The following NDUFS3 variants were observed in gnomAD, a reference collection of about 807,000 sequenced individuals.
NDUFS3 encodes the protein NADH:ubiquinone oxidoreductase core subunit S3.
Under a neutral mutation model 30.8 loss-of-function variants are expected in NDUFS3, and 19 were observed. That is an observed-to-expected ratio of 0.62 (90% CI 0.43 to 0.91). The LOEUF (loss-of-function observed/expected upper bound fraction) is 0.91, where lower values mean the gene tolerates loss of function less well. NDUFS3 is among the 40% of genes least tolerant of loss of function. NDUFS3 has a pLI of 0.00. For missense variants in NDUFS3, 331 were observed against 342.0 expected, an observed-to-expected ratio of 0.97 and a Z score of 0.25; for synonymous variants, 153 against 135.8, an observed-to-expected ratio of 1.13 and a Z score of -0.88.
chr11:47,582,634 T>A (rs924212570), intron 6 of NDUFS3, among the ~76,000 whole-genome samples, 166 bp downstream of exon 6: 1 of 152,174 alleles, frequency 6.6e-6, no homozygotes, highest in Non-Finnish European at 1.5e-5. Flanking sequence ...GCAAGTTACT[T>A]GGTTTGACTG....
At position 47,579,294 on chromosome 11, in the gene NDUFS3, G is replaced by A. The variant is rs2097266568; in HGVS notation, c.93G>A (p.Leu31=). ...TRGTGRPSVL[L]LPVRRESAGA... is the part of the protein sequence containing the mutation. ...GGACTGGGCGACCCTCCGTTCTGTT[G>A]CTGCCGGTGAGGCGGGAGAGCGCCG... is the stretch of plus-strand genomic sequence containing the variant. The change falls in exon 2 of 7, where the codon TTG becomes TTA. Residue 31 remains leucine (L), a synonymous_variant. Coordinates refer to ENST00000263774, the MANE Select transcript of NDUFS3 (RefSeq NM_004551.3). The A allele has an allele frequency of 6.2e-7, 1 of 1,614,072 alleles. No homozygotes were observed. Among genetic ancestry groups the A allele is most frequent in the Non-Finnish European group, 8.5e-7 (1 of 1,180,042 alleles).
In NDUFS3 at chr11:47,582,417, C is replaced by T. The variant is rs756600847; in HGVS notation, c.576C>T (p.Gly192=). 13 of 1,614,082 alleles carry T rather than the reference C, an allele frequency of 8.1e-6. No homozygotes were observed. The East Asian group carries it at 2.5e-4, about 30-fold the overall frequency. Residue 192 remains glycine (G), a synonymous_variant, in exon 6 of 7, where the codon GGC becomes GGT. Coordinates refer to ENST00000263774, the MANE Select transcript of NDUFS3 (RefSeq NM_004551.3). The stretch of plus-strand genomic sequence containing the variant: ...TAAGAAGGATCCTGACAGATTATGG[C>T]TTCGAGGGACATCCTTTCCGGAAAG... ...PDLRRILTDY[G]FEGHPFRKDF...
chr11:47,579,213 C>T (rs2233350), intron 1 of NDUFS3, 55 bp downstream of exon 1: 2 of 1,613,924 alleles, frequency 1.2e-6, no homozygotes, highest in Admixed American at 1.7e-5. Flanking sequence ...GTGCCCAGTG[C>T]AGAGAGCTCC....
At position 47,582,397 on chromosome 11, in the gene NDUFS3, A is replaced by T; in HGVS notation, c.556A>T (p.Arg186Trp). 1 of 1,614,232 alleles carries T rather than the reference A, an allele frequency of 6.2e-7. No homozygotes were observed. The highest frequency in any genetic ancestry group is 8.5e-7 in the Non-Finnish European group (1 of 1,180,048). The change falls in exon 6 of 7, where the codon AGG becomes TGG. Residue 186 changes from arginine (R) to tryptophan (W), a missense_variant. By Grantham distance (101) the Arg-to-Trp change is moderately radical (BLOSUM62 -3). Transcript: ENST00000263774. ...VFFANHPDLR[R>W]ILTDYGFEGH... ...CTTTGCTAACCACCCTGATCTAAGA[A>T]GGATCCTGACAGATTATGGCTTCGA...
At position 47,580,949 on chromosome 11, in the gene NDUFS3, G is replaced by A. The variant is rs2097268528; in HGVS notation, c.346G>A (p.Ala116Thr). The A allele has an allele frequency of 3.1e-6, 5 of 1,614,110 alleles. No individual in the cohort carries two copies. Among genetic ancestry groups the A allele is most frequent in the African/African-American group, 1.3e-5 (1 of 74,934 alleles). Residue 116 changes from alanine to threonine, a missense_variant, in exon 4 of 7, where the codon GCA (alanine) becomes ACA (threonine). Transcript: ENST00000263774. ...GTTCAAATCTCTGGTTGACTTGACA[G>A]CAGTGGACGTCCCAACTCGGCAAAA... ...AQFKSLVDLT[A>T]VDVPTRQNRF...
At chr11:47,582,493 C>T (rs1255036474) in intron 6 of NDUFS3, 25 bp downstream of exon 6, 7 of 1,613,962 alleles carry the variant, frequency 4.3e-6, no homozygotes, top group Non-Finnish European at 5.9e-6. Flanking sequence ...ACTGGGACAG[C>T]AGCCTCAGGG....
intron 6 of NDUFS3, among the ~76,000 whole-genome samples, chr11:47,582,990 C>G (rs377444090): frequency 2.6e-5 from 4 of 152,192 alleles, no homozygotes; most frequent in South Asian, 4.1e-4. Flanking sequence ...GAGTGAGACC[C>G]TGTCTCTAAA....
At position 47,579,159 on chromosome 11, in the gene NDUFS3, G is replaced by A. The variant is rs1196062635; in HGVS notation, c.67+1G>A. The A allele has an allele frequency of 1.2e-6, 2 of 1,610,422 alleles. No homozygotes were observed. The highest frequency in any genetic ancestry group is 8.5e-7 in the Non-Finnish European group (1 of 1,178,852). The stretch of plus-strand genomic sequence containing the variant: ...TTGGGGGCCTCGGCGCTGACCAGGG[G>A]TGAGCACGGGCAGCCAGCTGAGACC... On this transcript the variant is annotated splice_donor_variant, in intron 1 of 6. Coordinates refer to ENST00000263774, the MANE Select transcript of NDUFS3 (RefSeq NM_004551.3). LOFTEE classifies it high-confidence loss of function.
chr11:47,582,481 G>A lies in NDUFS3; in HGVS notation c.627+13G>A, dbSNP rs566594916. 3 of 1,614,114 alleles carry A rather than the reference G, an allele frequency of 1.9e-6. No individual in the cohort carries two copies. The South Asian group carries it at 3.3e-5, about 18-fold the overall frequency. Reference sequence around the variant, plus strand: ...TGGCTATGTTGAGGTAGGAGCCTTGGAACTGGGACAGCAGCCTCAGGGAGG... The same window carrying A: ...TGGCTATGTTGAGGTAGGAGCCTTGAAACTGGGACAGCAGCCTCAGGGAGG... On this transcript the variant is annotated intron_variant, in intron 6 of 6. Transcript: ENST00000263774.
Position 47,579,156 on chromosome 11 carries a change from G to A in NDUFS3, c.65G>A (p.Arg22Lys), listed in dbSNP as rs752752534. 6.0e-5 allele frequency: 97 copies of A among 1,609,856 alleles called. 1 individual carries two copies. The Admixed American group carries it at 1.6e-3, about 27-fold the overall frequency. ...RGILGASALT[R>K]GTGRPSVLLL... ...ATCTTGGGGGCCTCGGCGCTGACCA[G>A]GGGTGAGCACGGGCAGCCAGCTGAG... The change falls in exon 1 of 7, where the codon AGG becomes AAG. Residue 22 changes from arginine to lysine, a missense_variant and splice_region_variant. Physicochemically the swap from Arg to Lys is conservative, Grantham distance 26. Transcript: ENST00000263774.
At chr11:47,582,925 A>G (rs1410806619) in intron 6 of NDUFS3, among the ~76,000 whole-genome samples, 2 of 152,116 alleles carry the variant, frequency 1.3e-5, no homozygotes, top group African/African-American at 2.4e-5. Flanking sequence ...TGAGCCTAGA[A>G]GGCGGAGGTT....
chr11:47,582,194 C>G lies in NDUFS3; in HGVS notation c.488C>G (p.Ala163Gly). ...IESAVSVFKA[A>G]NWYEREIWDM... ...TCTGCTGTCTCTGTGTTCAAGGCAG[C>G]CAACTGGTATGAAAGGGAGGTGAGT... The change falls in exon 5 of 7, where the codon GCC becomes GGC. Residue 163 changes from alanine to glycine, a missense_variant. Ala to Gly is a moderately conservative substitution (Grantham distance 60). Transcript: ENST00000263774. The G allele has an allele frequency of 6.2e-7, 1 of 1,614,180 alleles. No homozygotes were observed. Among genetic ancestry groups the G allele is most frequent in the Non-Finnish European group, 8.5e-7 (1 of 1,180,028 alleles).
intron 6 of NDUFS3, among the ~76,000 whole-genome samples, chr11:47,583,419 A>G (rs1565943161): frequency 1.3e-5 from 2 of 152,114 alleles, no homozygotes; most frequent in Non-Finnish European, 2.9e-5. Flanking sequence ...GTCTGTCCCT[A>G]AAACCTGAAA....
Position 47,584,454 on chromosome 11 carries a change from C to A in NDUFS3, c.768C>A (p.Ala256=). The A allele has an allele frequency of 6.2e-7, 1 of 1,614,056 alleles. No individual in the cohort carries two copies. The change falls in exon 7 of 7, where the codon GCC becomes GCA. Residue 256 remains alanine (A), a synonymous_variant. Transcript: ENST00000263774. ...CCCCGGAGAGTCTCAAGCTTGAAGC[C>A]GGAGACAAGAAGCCTGATGCCAAGT... The part of the protein sequence containing the change: ...RQPPESLKLE[A]GDKKPDAK
intron 2 of NDUFS3, 85 bp downstream of exon 2, chr11:47,579,419 A>G (rs775332289): frequency 1.9e-6 from 3 of 1,543,698 alleles, no homozygotes; most frequent in Non-Finnish European, 2.7e-6. Flanking sequence ...GCCCTTCCCT[A>G]CGTCCTCCTG....
At position 47,580,631 on chromosome 11, in the gene NDUFS3, T is replaced by C. The variant is rs1461245501; in HGVS notation, c.231+9T>C. ...ATGTCCAACAAGTTCAGGTAATACT[T>C]ACTAATGTTATTTGGGTCTGGGTCA... On this transcript the variant is annotated intron_variant, in intron 3 of 6. Coordinates refer to ENST00000263774, the MANE Select transcript of NDUFS3 (RefSeq NM_004551.3). The C allele has an allele frequency of 1.3e-5, 21 of 1,613,184 alleles. No homozygotes were observed. In the Admixed American group the frequency reaches 2.5e-4, roughly 19 times the overall value.
chr11:47,580,950 C>T lies in NDUFS3; in HGVS notation c.347C>T (p.Ala116Val). ...AQFKSLVDLT[A>V]VDVPTRQNRF... ...TTCAAATCTCTGGTTGACTTGACAGCAGTGGACGTCCCAACTCGGCAAAAC... is the reference window on the plus strand; with the variant it reads ...TTCAAATCTCTGGTTGACTTGACAGTAGTGGACGTCCCAACTCGGCAAAAC... Residue 116 changes from alanine to valine, a missense_variant, in exon 4 of 7, where the codon GCA becomes GTA. Coordinates refer to ENST00000263774, the MANE Select transcript of NDUFS3 (RefSeq NM_004551.3). 2 of 1,614,214 alleles carry T rather than the reference C, an allele frequency of 1.2e-6. No individual in the cohort carries two copies. Among genetic ancestry groups the T allele is most frequent in the Non-Finnish European group, 1.7e-6 (2 of 1,180,050 alleles).
chr11:47,582,370 T>G lies in NDUFS3; in HGVS notation c.529T>G (p.Phe177Val), dbSNP rs765009173. Residue 177 changes from phenylalanine (F) to valine (V), a missense_variant, in exon 6 of 7, where the codon TTC becomes GTC. Transcript: ENST00000263774. The stretch of plus-strand genomic sequence containing the variant: ...CTAGATCTGGGACATGTTTGGAGTC[T>G]TCTTTGCTAACCACCCTGATCTAAG... ...EREIWDMFGV[F>V]FANHPDLRRI... is the part of the protein sequence containing the mutation. 4.3e-6 allele frequency: 7 copies of G among 1,614,228 alleles called. No homozygotes were observed. The highest frequency in any genetic ancestry group is 5.9e-6 in the Non-Finnish European group (7 of 1,180,044).
chr11:47,584,386 G>C lies in NDUFS3; in HGVS notation c.700G>C (p.Asp234His), dbSNP rs761809878. ...GTTGGCCCAAGAGTTCCGCAAATTT[G>C]ACCTGAACAGCCCCTGGGAGGCTTT... ...VELAQEFRKF[D>H]LNSPWEAFPV... Residue 234 changes from aspartate (D) to histidine (H), a missense_variant, in exon 7 of 7, where the codon GAC becomes CAC. Physicochemically the swap from Asp to His is moderately conservative, Grantham distance 81. Coordinates refer to ENST00000263774, the MANE Select transcript of NDUFS3 (RefSeq NM_004551.3). 1 of 1,613,978 alleles carries C rather than the reference G, an allele frequency of 6.2e-7. No homozygotes were observed. The highest frequency in any genetic ancestry group is 1.3e-5 in the African/African-American group (1 of 74,886).
Sources: gnomAD v4.1 joint callset for allele counts (sites outside exome capture counted in the v4.1 genomes callset) on GRCh38, gnomAD v4.1.1 for gene constraint, MANE v1.5 for transcripts, NCBI Gene and HGNC (gene_info 2026-07-23, HGNC 2026-07-21) for gene names.